PLXDC2: variants seen among roughly 807,000 people sequenced by gnomAD.
PLXDC2 encodes plexin domain-containing protein 2.
Under a neutral mutation model 68.9 loss-of-function variants are expected in PLXDC2, and 40 were observed. That is an observed-to-expected ratio of 0.58 (90% CI 0.45 to 0.76). The LOEUF (loss-of-function observed/expected upper bound fraction) is 0.76, where lower values mean the gene tolerates loss of function less well. Among genes scored for constraint, PLXDC2 ranks in the 30% least tolerant of loss-of-function variants. The pLI is 0.00. For missense variants in PLXDC2, 644 were observed against 661.9 expected, an observed-to-expected ratio of 0.97 and a Z score of 0.30; for synonymous variants, 243 against 234.2, an observed-to-expected ratio of 1.04 and a Z score of -0.34.
At chr10:20,275,705 G>C (rs988578983) in intron 13 of PLXDC2, among the ~76,000 whole-genome samples, 1 of 152,104 alleles carries the variant, frequency 6.6e-6, no homozygotes, top group African/African-American at 2.4e-5. Flanking sequence ...TTGAGGTCAG[G>C]AGTTCAAGAC....
intron 3 of PLXDC2, among the ~76,000 whole-genome samples, chr10:20,049,833 A>G (rs1478196800): frequency 1.3e-5 from 2 of 152,140 alleles, no homozygotes; most frequent in Admixed American, 6.6e-5. Context: ...ACTACCAGTG[A>G]CATTCTTCAT....
intron 4 of PLXDC2, among the ~76,000 whole-genome samples, chr10:20,074,626 C>G (rs1296393961): frequency 1.3e-5 from 2 of 151,824 alleles, no homozygotes; most frequent in Admixed American, 6.6e-5. Context: ...CTTTTTTGTT[C>G]TGGCTTTCAA....
At chr10:20,210,641 A>T (rs868008463) in intron 9 of PLXDC2, among the ~76,000 whole-genome samples, 2 of 152,154 alleles carry the variant, frequency 1.3e-5, no homozygotes, top group Non-Finnish European at 1.5e-5. Flanking sequence ...ATGATTCACT[A>T]GAAAGACTCG....
At chr10:20,060,772 C>T (rs1382369637) in intron 3 of PLXDC2, among the ~76,000 whole-genome samples, 1 of 152,110 alleles carries the variant, frequency 6.6e-6, no homozygotes, top group Non-Finnish European at 1.5e-5. Flanking sequence ...GTTGTTATGT[C>T]TACTAAGAGC....
intron 1 of PLXDC2, among the ~76,000 whole-genome samples, chr10:19,898,508 A>G (rs952851094): frequency 7.2e-5 from 11 of 152,366 alleles, no homozygotes; most frequent in Non-Finnish European, 1.5e-4. Context: ...TAACTTTACA[A>G]CAACGAAAAC....
At chr10:20,210,034 G>A (rs140901336) in intron 9 of PLXDC2, among the ~76,000 whole-genome samples, 29 of 152,176 alleles carry the variant, frequency 1.9e-4, no homozygotes, top group Admixed American at 8.5e-4. Context: ...CTGACTTCCC[G>A]CAACACATAA....
chr10:19,946,998 G>A (rs1368084869), intron 1 of PLXDC2, among the ~76,000 whole-genome samples: 4 of 152,152 alleles, frequency 2.6e-5, no homozygotes, highest in Non-Finnish European at 4.4e-5. Flanking sequence ...ATGGCCCTGG[G>A]GTTGGGGGCC....
At chr10:19,964,384 GT>G (rs1385043577) in intron 1 of PLXDC2, among the ~76,000 whole-genome samples, 2 of 152,172 alleles carry the variant, frequency 1.3e-5, no homozygotes, top group African/African-American at 4.8e-5. Flanking sequence ...GCAAAATGGA[GT>G]TTCAGGATTG....
intron 1 of PLXDC2, among the ~76,000 whole-genome samples, chr10:19,818,753 TC>T (rs1836406246): frequency 6.6e-6 from 1 of 152,110 alleles, no homozygotes; most frequent in South Asian, 2.1e-4. Flanking sequence ...CTTTTAGCCT[TC>T]CAGGAAAGGA....
At chr10:20,173,899 C>T (rs1010823381) in intron 7 of PLXDC2, among the ~76,000 whole-genome samples, 2 of 152,160 alleles carry the variant, frequency 1.3e-5, no homozygotes, top group African/African-American at 4.8e-5. Context: ...CATCAAACAA[C>T]AATAATTCTC....
intron 4 of PLXDC2, among the ~76,000 whole-genome samples, chr10:20,128,298 C>G (rs920019442): frequency 6.6e-6 from 1 of 152,182 alleles, no homozygotes; most frequent in Non-Finnish European, 1.5e-5. Context: ...CAAAGCAACT[C>G]TCTCTTTGTC....
At chr10:20,149,090 T>C (rs570177456) in intron 6 of PLXDC2, among the ~76,000 whole-genome samples, 1 of 152,128 alleles carries the variant, frequency 6.6e-6, no homozygotes. Context: ...TTAATTTTTA[T>C]TTCAGGTTCA....
chr10:20,184,042 G>GC (rs5783727), intron 9 of PLXDC2, among the ~76,000 whole-genome samples: 36,688 of 151,568 alleles, frequency 0.24, 5,602 homozygotes, highest in East Asian at 0.5. Flanking sequence ...AACAGAATAA[G>GC]CCCCTCCTTA....
chr10:19,834,780 C>T (rs994883672), intron 1 of PLXDC2, among the ~76,000 whole-genome samples: 2 of 152,172 alleles, frequency 1.3e-5, no homozygotes, highest in South Asian at 2.1e-4. Context: ...GTATCCTATG[C>T]GCCTAGCATT....
At chr10:20,097,471 G>C (rs1206562079) in intron 4 of PLXDC2, among the ~76,000 whole-genome samples, 1 of 152,206 alleles carries the variant, frequency 6.6e-6, no homozygotes, top group Non-Finnish European at 1.5e-5. Context: ...GGGAAATTGA[G>C]AGCAGGATCT....
chr10:20,222,024 C>A (rs1254478618), intron 12 of PLXDC2, among the ~76,000 whole-genome samples: 4 of 152,110 alleles, frequency 2.6e-5, no homozygotes, highest in African/African-American at 9.7e-5. Context: ...AGTAATAAAG[C>A]AGATTGACAG....
At chr10:20,029,525 A>T (rs978989638) in intron 2 of PLXDC2, among the ~76,000 whole-genome samples, 2 of 152,138 alleles carry the variant, frequency 1.3e-5, no homozygotes, top group African/African-American at 4.8e-5. Context: ...GAAAGTGAAA[A>T]GCTAATAATA....
intron 4 of PLXDC2, among the ~76,000 whole-genome samples, chr10:20,088,930 A>G (rs1338505709): frequency 6.6e-6 from 1 of 152,098 alleles, no homozygotes; most frequent in Non-Finnish European, 1.5e-5. Context: ...TTTGCATTTG[A>G]CCTTGTCTGG....
Position 20,132,759 on chromosome 10 carries a change from A to C in PLXDC2, c.542-10536A>C, listed in dbSNP as rs1041685790. Reference sequence around the variant, plus strand: ...GTTAAGTCTTTTGTAAAGAACATATAGTTTGATCTTTAAAAAAAAAAAATC... The same window carrying C: ...GTTAAGTCTTTTGTAAAGAACATATCGTTTGATCTTTAAAAAAAAAAAATC... On this transcript the variant is annotated intron_variant, in intron 4 of 13. Transcript: ENST00000377252. 7.8e-5 allele frequency among the ~76,000 whole-genome samples: 6 copies of C among 77,156 alleles called. No individual in the cohort carries two copies. In the East Asian group the frequency reaches 2.3e-3, roughly 29 times the overall value. The allele number at this position is 77,156 out of a possible 152,430, so 50.6% of individuals were successfully genotyped here.
Sources: gnomAD v4.1 joint callset for allele counts (sites outside exome capture counted in the v4.1 genomes callset) on GRCh38, gnomAD v4.1.1 for gene constraint, MANE v1.5 for transcripts, NCBI Gene and HGNC (gene_info 2026-07-23, HGNC 2026-07-21) for gene names.